The following COL19A1 variants were observed in gnomAD, a reference collection of about 807,000 sequenced individuals.
COL19A1 encodes collagen type XIX alpha 1 chain.
A neutral mutation model predicts 190.2 loss-of-function variants in COL19A1; 159 were observed. The ratio of observed to expected loss-of-function variants is 0.84; its 90% CI spans 0.73 to 0.95. COL19A1 has a LOEUF of 0.95. Ranked by LOEUF, COL19A1 falls within the 40% of genes least tolerant of loss-of-function variation. COL19A1 has a pLI of 0.00. For missense variants in COL19A1, 1,418 were observed against 1,431.9 expected (o/e 0.99, Z 0.16); for synonymous variants, 509 against 458.9 (o/e 1.11, Z -1.39).
intron 16 of COL19A1, among the ~76,000 whole-genome samples, chr6:70,111,360 CA>C (rs1184710518): frequency 6.6e-6 from 1 of 152,064 alleles, no homozygotes; most frequent in Non-Finnish European, 1.5e-5. Flanking sequence ...GGACCTAAAA[CA>C]TGGAAGAAAA....
intron 46 of COL19A1, among the ~76,000 whole-genome samples, chr6:70,186,260 A>C (rs1766506909): frequency 1.3e-5 from 2 of 152,212 alleles, no homozygotes; most frequent in South Asian, 4.1e-4. Context: ...CTAACTTATA[A>C]AATAATTTTA....
intron 4 of COL19A1, among the ~76,000 whole-genome samples, chr6:69,912,362 T>C (rs1157845468): frequency 6.6e-6 from 1 of 152,220 alleles, no homozygotes; most frequent in Non-Finnish European, 1.5e-5. Flanking sequence ...TAAATTGATA[T>C]TACTTCTACT....
chr6:70,022,095 T>G (rs1046531940), intron 11 of COL19A1, among the ~76,000 whole-genome samples: 2 of 152,154 alleles, frequency 1.3e-5, no homozygotes, highest in Admixed American at 6.5e-5. Flanking sequence ...CTGTAATGTA[T>G]TATCTATTAA....
chr6:69,959,362 T>C (rs1481894352), intron 9 of COL19A1, among the ~76,000 whole-genome samples: 1 of 152,066 alleles, frequency 6.6e-6, no homozygotes, highest in East Asian at 1.9e-4. Context: ...TGTACATATA[T>C]AAGAATACAC....
In COL19A1 at chr6:70,156,124, T is replaced by C; in HGVS notation, c.2080-3T>C. 1 of 1,612,310 alleles carries C rather than the reference T, an allele frequency of 6.2e-7. No homozygotes were observed. ...TCAGTAACCTTATCTTTATACTCAT[T>C]AGAATTTCTGTGGCAACTGCCAAGC... On this transcript the variant is annotated splice_polypyrimidine_tract_variant and splice_region_variant and intron_variant, in intron 31 of 50. Transcript: ENST00000620364.
intron 44 of COL19A1, among the ~76,000 whole-genome samples, chr6:70,184,488 T>A (rs922587048): frequency 6.6e-6 from 1 of 151,854 alleles, no homozygotes; most frequent in African/African-American, 2.4e-5. Flanking sequence ...TTAAGTAAAT[T>A]GCCCAAAAAG....
chr6:69,938,405 T>C (rs1026052820), intron 9 of COL19A1, among the ~76,000 whole-genome samples: 1 of 152,098 alleles, frequency 6.6e-6, no homozygotes, highest in Admixed American at 6.6e-5. Flanking sequence ...TAGCCTTCTT[T>C]AGCATTCCCT....
At chr6:70,190,216 C>G (rs1766774887) in intron 47 of COL19A1, 99 bp from the exon 48 acceptor site, 2 of 829,488 alleles carry the variant, frequency 2.4e-6, no homozygotes, top group South Asian at 3.2e-5. Flanking sequence ...TAAATGCATC[C>G]CTACAGAAGT....
intron 11 of COL19A1, among the ~76,000 whole-genome samples, chr6:69,963,527 G>C (rs1774922025): frequency 1.3e-5 from 2 of 152,262 alleles, no homozygotes; most frequent in Admixed American, 6.5e-5. Context: ...GCACATAAAG[G>C]GGAAATCAGG....
chr6:70,108,610 A>G (rs1268842722), intron 16 of COL19A1, among the ~76,000 whole-genome samples: 3 of 152,162 alleles, frequency 2.0e-5, no homozygotes, highest in Non-Finnish European at 4.4e-5. Context: ...AAATTTAAAT[A>G]TAAGTGCTAT....
intron 15 of COL19A1, among the ~76,000 whole-genome samples, chr6:70,090,707 A>G (rs1782867412): frequency 6.6e-6 from 1 of 152,184 alleles, no homozygotes; most frequent in Non-Finnish European, 1.5e-5. Context: ...CTACCTAAGC[A>G]GGTGCTTATA....
At chr6:69,919,253 T>G (rs947476940) in intron 4 of COL19A1, among the ~76,000 whole-genome samples, 2 of 152,332 alleles carry the variant, frequency 1.3e-5, no homozygotes, top group South Asian at 4.1e-4. Flanking sequence ...AATTATTACA[T>G]AGTTTGTTAG....
chr6:70,189,962 T>C (rs1482090705), intron 47 of COL19A1, among the ~76,000 whole-genome samples: 2 of 152,250 alleles, frequency 1.3e-5, no homozygotes, highest in Non-Finnish European at 2.9e-5. Flanking sequence ...GTGATTAGGC[T>C]ACTAACATCA....
intron 11 of COL19A1, among the ~76,000 whole-genome samples, chr6:70,000,194 G>T (rs1777174037): frequency 6.6e-6 from 1 of 152,134 alleles, no homozygotes; most frequent in African/African-American, 2.4e-5. Context: ...CAAAGGACAT[G>T]ATCTCATTCC....
At chr6:70,005,152 A>G (rs145441130) in intron 11 of COL19A1, among the ~76,000 whole-genome samples, 21 of 152,112 alleles carry the variant, frequency 1.4e-4, no homozygotes, top group Non-Finnish European at 2.8e-4. Context: ...ACTTCTGTCA[A>G]TTCTTCCATC....
At chr6:70,088,235 T>C (rs1782696833) in intron 15 of COL19A1, among the ~76,000 whole-genome samples, 1 of 152,190 alleles carries the variant, frequency 6.6e-6, no homozygotes, top group Admixed American at 6.5e-5. Context: ...GATCTTCATA[T>C]ATTCTAGCCC....
intron 34 of COL19A1, 95 bp downstream of exon 34, chr6:70,156,818 T>C (rs1787471018): frequency 5.7e-6 from 5 of 880,698 alleles, no homozygotes; most frequent in Non-Finnish European, 8.6e-6. Context: ...AGCTCAGATC[T>C]GATGCTATAA....
rs574372015 is a variant in COL19A1, at chr6:70,167,717, G to A, written c.2446-308G>A. 1.1e-4 allele frequency among the ~76,000 whole-genome samples: 17 copies of A among 152,206 alleles called. No individual in the cohort carries two copies. In the East Asian group the frequency reaches 2.1e-3, roughly 19 times the overall value. On this transcript the variant is annotated intron_variant, in intron 37 of 50. Transcript: ENST00000620364. Reference sequence around the variant, plus strand: ...CAATTCAGAAACTGAATTTTAATGAGCAAATATTTTCCTCCAAATGCATTA... The same window carrying A: ...CAATTCAGAAACTGAATTTTAATGAACAAATATTTTCCTCCAAATGCATTA...
chr6:70,188,145 A>C lies in COL19A1; in HGVS notation c.2927A>C (p.Lys976Thr). 6.2e-7 allele frequency: 1 copy of C among 1,614,006 alleles called. No homozygotes were observed. Among genetic ancestry groups the C allele is most frequent in the East Asian group, 2.2e-5 (1 of 44,882 alleles). Residue 976 changes from lysine (K) to threonine (T), a missense_variant, in exon 47 of 51, where the codon AAG becomes ACG. Coordinates refer to ENST00000620364, the MANE Select transcript of COL19A1 (RefSeq NM_001858.6). ...ERGKPGLTGM[K>T]GAIGPMGPPG... Reference sequence around the variant, plus strand: ...GGAAAACCAGGCCTTACAGGCATGAAGGGGGCCATCGGTCCTATGGGTCCA... The same window carrying C: ...GGAAAACCAGGCCTTACAGGCATGACGGGGGCCATCGGTCCTATGGGTCCA...
Sources: gnomAD v4.1 joint callset for allele counts (sites outside exome capture counted in the v4.1 genomes callset) on GRCh38, gnomAD v4.1.1 for gene constraint, MANE v1.5 for transcripts, NCBI Gene and HGNC (gene_info 2026-07-23, HGNC 2026-07-21) for gene names.